The following TREM1 variants were observed in gnomAD, a reference collection of about 807,000 sequenced individuals.
The protein encoded by TREM1 is triggering receptor expressed on monocytes 1.
A neutral mutation model predicts 22.4 loss-of-function variants in TREM1; 16 were observed. The ratio of observed to expected loss-of-function variants is 0.71; its 90% confidence interval spans 0.48 to 1.08. TREM1 has a LOEUF of 1.08. Ranked by LOEUF, TREM1 falls within the 50% of genes least tolerant of loss-of-function variation. The probability of loss-of-function intolerance (pLI) is 0.00; values close to 1 mark genes in which losing one functional copy is unlikely to be tolerated. For synonymous variants in TREM1, 110 were observed against 111.6 expected, an observed-to-expected ratio of 0.99 and a Z score of 0.09; for missense variants, 283 against 282.9, an observed-to-expected ratio of 1.00 and a Z score of 0.00.
intron 3 of TREM1, among the ~76,000 whole-genome samples, chr6:41,279,250 T>G (rs1047470560): frequency 6.6e-6 from 1 of 152,098 alleles, no homozygotes; most frequent in Non-Finnish European, 1.5e-5. Flanking sequence ...TCACGTGGAG[T>G]ACTTAAAACC....
downstream of TREM1, among the ~76,000 whole-genome samples, chr6:41,273,045 C>T (rs1046460116): frequency 6.6e-6 from 1 of 152,178 alleles, no homozygotes; most frequent in Non-Finnish European, 1.5e-5. Flanking sequence ...GCTGCAGGCA[C>T]GTGACTTGAC....
At chr6:41,272,456 T>C (rs200796866), downstream of TREM1, among the ~76,000 whole-genome samples, 1 of 152,144 alleles carries the variant, frequency 6.6e-6, no homozygotes, top group East Asian at 1.9e-4. Context: ...ACATCCTCCC[T>C]CTTTAATATC....
At chr6:41,286,015 G>A (rs563724141) in intron 1 of TREM1, among the ~76,000 whole-genome samples, 11 of 152,318 alleles carry the variant, frequency 7.2e-5, no homozygotes, top group South Asian at 2.1e-4. Context: ...TGAGCTGTGC[G>A]GATCGTAAGA....
intron 3 of TREM1, chr6:41,280,752 G>A: frequency 1.4e-6 from 2 of 1,443,294 alleles, no homozygotes; most frequent in Non-Finnish European, 1.8e-6. Flanking sequence ...AAGGTGAACT[G>A]GGGAGAAGGA....
At chr6:41,280,865 T>G in intron 3 of TREM1, 96 bp downstream of exon 3, 1 of 1,586,712 alleles carries the variant, frequency 6.3e-7, no homozygotes, top group Non-Finnish European at 8.6e-7. Context: ...TGCCCCACCC[T>G]CCCCTTTCCC....
At position 41,274,021 on chromosome 6, in the gene TREM1, G is replaced by A. The variant is rs78363891; in HGVS notation, c.*2104C>T. Reference sequence around the variant, plus strand: ...ATGGCGTGGCCTGTAAGTGCAAATGGGAGAGTATCCAGCACGGCCATTTGT... The same window carrying A: ...ATGGCGTGGCCTGTAAGTGCAAATGAGAGAGTATCCAGCACGGCCATTTGT... On this transcript the variant is annotated 3_prime_UTR_variant, in exon 4 of 4. Transcript: ENST00000244709. Among the ~76,000 whole-genome samples the A allele has an allele frequency of 0.011, 1,612 of 152,306 alleles. 25 individuals are homozygous for A. Among genetic ancestry groups the A allele is most frequent in the African/African-American group, 0.035 (1,437 of 41,544 alleles).
intron 1 of TREM1, among the ~76,000 whole-genome samples, chr6:41,283,810 AT>A (rs1038885439): frequency 6.6e-6 from 1 of 152,136 alleles, no homozygotes; most frequent in Non-Finnish European, 1.5e-5. Flanking sequence ...AGCTGGACCA[AT>A]CAGAGTCCTC....
intron 2 of TREM1, chr6:41,281,850 A>C (rs1203385794): frequency 6.2e-6 from 1 of 160,504 alleles, no homozygotes; most frequent in Non-Finnish European, 1.4e-5. Flanking sequence ...TCTCCTATCC[A>C]GTGAGTAGAG....
chr6:41,268,121 A>G (rs1356222812), intron 3 of TREM1: 12 of 398,480 alleles, frequency 3.0e-5, no homozygotes, highest in Non-Finnish European at 5.3e-5. Flanking sequence ...TGATTGGGTC[A>G]GGGAGCCCAT....
At chr6:41,271,356 G>A (rs1767475407), downstream of TREM1, among the ~76,000 whole-genome samples, 1 of 152,130 alleles carries the variant, frequency 6.6e-6, no homozygotes, top group Non-Finnish European at 1.5e-5. Context: ...CCTAATAGAG[G>A]TTAGAAACCT....
chr6:41,286,395 A>G (rs1216367724), intron 1 of TREM1, among the ~76,000 whole-genome samples: 2 of 152,138 alleles, frequency 1.3e-5, no homozygotes, highest in Non-Finnish European at 2.9e-5. Flanking sequence ...ATCGACATGC[A>G]CAGACATCTT....
intron 1 of TREM1, among the ~76,000 whole-genome samples, chr6:41,283,717 A>AC (rs576199081): frequency 0.018 from 2,210 of 123,804 alleles, 40 homozygotes; most frequent in African/African-American, 0.05. Context: ...GTTAAAAAAA[A>AC]AAACACACAC....
downstream of TREM1, among the ~76,000 whole-genome samples, chr6:41,273,294 C>CCCAG (rs1376474234): frequency 1.3e-5 from 2 of 152,206 alleles, no homozygotes; most frequent in Non-Finnish European, 2.9e-5. Context: ...AACCCAATCC[C>CCCAG]CCAGCCTCTC....
intron 2 of TREM1, 85 bp downstream of exon 2, chr6:41,282,310 C>T (rs1767952446): frequency 9.1e-7 from 1 of 1,101,614 alleles, no homozygotes; most frequent in Non-Finnish European, 1.3e-6. Context: ...TGCTGGGAAT[C>T]CTGAACCCCA....
In TREM1 at chr6:41,275,701, G is replaced by A. The variant is rs773856459; in HGVS notation, c.*424C>T. 9 of 164,010 alleles carry A rather than the reference G, an allele frequency of 5.5e-5. No homozygotes were observed. The highest frequency in any genetic ancestry group is 1.8e-4 in the East Asian group (1 of 5,566). 10.2% of individuals were successfully genotyped at this position (164,010 alleles called of 1,614,324 possible). On this transcript the variant is annotated 3_prime_UTR_variant, in exon 4 of 4. Coordinates refer to ENST00000244709, the MANE Select transcript of TREM1 (RefSeq NM_018643.5). ...GAAAGAGGAAGTCCCAGCATGGGGC[G>A]AGCAGGATGCTTCTGTAGTGGGAGC...
At chr6:41,279,512 AG>A in intron 3 of TREM1, 2 of 978,532 alleles carry the variant, frequency 2.0e-6, no homozygotes, top group Non-Finnish European at 2.4e-6. Context: ...ATGAAAGTAG[AG>A]GAAAAAAAAA....
intron 2 of TREM1, 35 bp from the exon 3 acceptor site, chr6:41,281,188 G>T: frequency 6.2e-7 from 1 of 1,601,790 alleles, no homozygotes; most frequent in Non-Finnish European, 8.5e-7. Context: ...TGGATGGACA[G>T]ATGGATGATG....
chr6:41,281,419 G>C, intron 2 of TREM1: 16 of 433,288 alleles, frequency 3.7e-5, no homozygotes, highest in Non-Finnish European at 3.7e-5. Context: ...AAGTGAGGGA[G>C]AGCAGAAAGA....
chr6:41,285,245 A>G (rs772563081), intron 1 of TREM1, among the ~76,000 whole-genome samples: 29 of 152,228 alleles, frequency 1.9e-4, no homozygotes, highest in Admixed American at 4.6e-4. Flanking sequence ...GTCTGTGCAC[A>G]ATTGCAAGAA....
Sources: gnomAD v4.1 joint callset for allele counts (sites outside exome capture counted in the v4.1 genomes callset) on GRCh38, gnomAD v4.1.1 for gene constraint, MANE v1.5 for transcripts, NCBI Gene and HGNC (gene_info 2026-07-23, HGNC 2026-07-21) for gene names.